Variants in GULP1 observed in about 807,000 individuals in gnomAD.
GULP1 encodes PTB domain-containing engulfment adapter protein 1.
A neutral mutation model predicts 40.9 loss-of-function variants in GULP1; 19 were observed. That is an observed-to-expected ratio of 0.46 (90% CI 0.32 to 0.68). The LOEUF (loss-of-function observed/expected upper bound fraction) is 0.68, where lower values mean the gene tolerates loss of function less well. Among genes scored for constraint, GULP1 ranks in the 30% least tolerant of loss-of-function variants. GULP1 has a pLI of 0.03. For missense variants in GULP1, 312 were observed against 362.2 expected (o/e 0.86, Z 1.12); for synonymous variants, 119 against 117.6 (o/e 1.01, Z -0.08).
chr2:188,356,907 T>C (rs1192070342), intron 1 of GULP1, among the ~76,000 whole-genome samples: 2 of 152,128 alleles, frequency 1.3e-5, no homozygotes, highest in South Asian at 2.1e-4. Context: ...TAAATTCATA[T>C]ATTTACAGCC....
At chr2:188,310,047 G>A (rs1053434010) in intron 1 of GULP1, among the ~76,000 whole-genome samples, 1 of 152,228 alleles carries the variant, frequency 6.6e-6, no homozygotes, top group East Asian at 1.9e-4. Flanking sequence ...GTTACAATGA[G>A]GCAATTTCAA....
At chr2:188,369,554 C>T (rs1574797231) in intron 1 of GULP1, among the ~76,000 whole-genome samples, 1 of 152,024 alleles carries the variant, frequency 6.6e-6, no homozygotes, top group African/African-American at 2.4e-5. Context: ...TCCCTCTCTG[C>T]CCCCTAGTGA....
chr2:188,591,770 A>T (rs1385346447), intron 11 of GULP1: 2 of 151,740 alleles, frequency 1.3e-5, no homozygotes, highest in Non-Finnish European at 3.0e-5. Context: ...AAAAAGACAT[A>T]CCTCAAAATG....
In GULP1 at chr2:188,477,692, T is replaced by C. The variant is rs371783059; in HGVS notation, c.-11T>C. The C allele has an allele frequency of 1.3e-6, 2 of 1,594,900 alleles. No individual in the cohort carries two copies. The highest frequency in any genetic ancestry group is 2.3e-5 in the East Asian group (1 of 43,988). On this transcript the variant is annotated 5_prime_UTR_variant, in exon 3 of 12. Coordinates refer to ENST00000409830, the MANE Select transcript of GULP1 (RefSeq NM_016315.4). ...TCGTGGAACTGAACATTTATTTGGC[T>C]GATCCTCATCATGAACCGTGCTTTT... is the stretch of plus-strand genomic sequence containing the variant.
intron 7 of GULP1, among the ~76,000 whole-genome samples, chr2:188,561,527 G>A (rs1417573149): frequency 3.3e-5 from 5 of 152,180 alleles, no homozygotes; most frequent in African/African-American, 1.2e-4. Flanking sequence ...GTGCACTCAA[G>A]TGCCCAATGT....
In GULP1 at chr2:188,391,104, T is replaced by C. The variant is rs544209275; in HGVS notation, c.-45+7215T>C. Among the ~76,000 whole-genome samples the C allele has an allele frequency of 2.0e-4, 30 of 152,250 alleles. 1 individual carries two copies. The Middle Eastern group carries it at 0.017, about 86-fold the overall frequency. On this transcript the variant is annotated intron_variant, in intron 2 of 11. Coordinates refer to ENST00000409830, the MANE Select transcript of GULP1 (RefSeq NM_016315.4). Reference sequence around the variant, plus strand: ...TTGGCTGTTTGAGCACTTTTTTTCATTTCATATGAATTTCAGGATTTTTTT... The same window carrying C: ...TTGGCTGTTTGAGCACTTTTTTTCACTTCATATGAATTTCAGGATTTTTTT...
At chr2:188,525,043 A>G (rs912422372) in intron 5 of GULP1, among the ~76,000 whole-genome samples, 26 of 152,126 alleles carry the variant, frequency 1.7e-4, no homozygotes, top group African/African-American at 5.3e-4. Flanking sequence ...ATGCCTGCTT[A>G]GTTTTCAAAA....
intron 7 of GULP1, among the ~76,000 whole-genome samples, chr2:188,556,840 G>A (rs146618594): frequency 0.023 from 3,557 of 152,050 alleles, 60 homozygotes; most frequent in African/African-American, 0.043. Context: ...TCGAGACCAC[G>A]GTGAAACCCC....
intron 2 of GULP1, among the ~76,000 whole-genome samples, chr2:188,457,190 G>A (rs555366234): frequency 6.6e-6 from 1 of 152,316 alleles, no homozygotes; most frequent in South Asian, 2.1e-4. Flanking sequence ...TTAAGACTTT[G>A]AGGGACTGTT....
chr2:188,560,880 A>AC (rs1191646689), intron 7 of GULP1, among the ~76,000 whole-genome samples: 1 of 152,224 alleles, frequency 6.6e-6, no homozygotes, highest in African/African-American at 2.4e-5. Flanking sequence ...GAACCTACTC[A>AC]CTATTATGAG....
At chr2:188,387,299 C>T (rs2049909016) in intron 2 of GULP1, among the ~76,000 whole-genome samples, 1 of 151,710 alleles carries the variant, frequency 6.6e-6, no homozygotes, top group Non-Finnish European at 1.5e-5. Flanking sequence ...TTTAAAAATA[C>T]ACCATTTAGA....
intron 2 of GULP1, among the ~76,000 whole-genome samples, chr2:188,476,983 T>C (rs138560249): frequency 3.9e-4 from 59 of 152,220 alleles, no homozygotes; most frequent in Middle Eastern, 3.4e-3. Flanking sequence ...TTACCTAAGC[T>C]GCTGAATTTG....
intron 2 of GULP1, among the ~76,000 whole-genome samples, chr2:188,417,852 A>G (rs575665947): frequency 4.2e-4 from 64 of 152,056 alleles, no homozygotes; most frequent in Non-Finnish European, 8.2e-4. Context: ...GTGCAGTGGC[A>G]TGATCATAGC....
chr2:188,448,458 G>A (rs1337221091), intron 2 of GULP1, among the ~76,000 whole-genome samples: 1 of 152,104 alleles, frequency 6.6e-6, no homozygotes, highest in Non-Finnish European at 1.5e-5. Context: ...CACGTGATGA[G>A]AATTGAATTT....
chr2:188,512,376 A>G (rs2064671667), intron 4 of GULP1, among the ~76,000 whole-genome samples: 1 of 152,228 alleles, frequency 6.6e-6, no homozygotes, highest in Admixed American at 6.5e-5. Context: ...TTAATATTTT[A>G]CAGTAATTCT....
chr2:188,493,068 A>G (rs2062561613), intron 4 of GULP1, among the ~76,000 whole-genome samples: 1 of 152,106 alleles, frequency 6.6e-6, no homozygotes, highest in Non-Finnish European at 1.5e-5. Context: ...ATTGAAATGC[A>G]TTCAGATAAC....
At chr2:188,575,328 C>G (rs1425792383) in intron 9 of GULP1, among the ~76,000 whole-genome samples, 1 of 152,066 alleles carries the variant, frequency 6.6e-6, no homozygotes, top group African/African-American at 2.4e-5. Context: ...TACTGAAGAT[C>G]TAATATTTCC....
At chr2:188,508,089 A>C (rs2064119542) in intron 4 of GULP1, among the ~76,000 whole-genome samples, 1 of 151,992 alleles carries the variant, frequency 6.6e-6, no homozygotes, top group African/African-American at 2.4e-5. Context: ...TTAAAAGGGC[A>C]GCTGAAAAAT....
At chr2:188,491,799 A>C (rs747385615) in intron 4 of GULP1, among the ~76,000 whole-genome samples, 3 of 152,108 alleles carry the variant, frequency 2.0e-5, no homozygotes, top group Non-Finnish European at 4.4e-5. Flanking sequence ...ACATAAATTC[A>C]CATATTTTAC....
Sources: gnomAD v4.1 joint callset for allele counts (sites outside exome capture counted in the v4.1 genomes callset) on GRCh38, gnomAD v4.1.1 for gene constraint, MANE v1.5 for transcripts, NCBI Gene and HGNC (gene_info 2026-07-23, HGNC 2026-07-21) for gene names.